Variants in ISOC1 observed in about 807,000 individuals in gnomAD.
ISOC1 encodes isochorismatase domain-containing protein 1.
In ISOC1, 33 loss-of-function variants were observed where a neutral mutation model predicts 30.0. That is an observed-to-expected ratio of 1.10 (90% CI 0.83 to 1.47). The LOEUF is 1.47. ISOC1 is among the 40% of genes most tolerant of loss of function. The probability of loss-of-function intolerance (pLI) is 0.00; values close to 1 mark genes in which losing one functional copy is unlikely to be tolerated. For synonymous variants in ISOC1, 178 were observed against 159.8 expected (o/e 1.11, Z -0.86); for missense variants, 372 against 388.0 (o/e 0.96, Z 0.35).
chr5:129,094,887 G>T lies in ISOC1; in HGVS notation c.121G>T (p.Val41Leu). 6.2e-7 allele frequency: 1 copy of T among 1,608,454 alleles called. No individual in the cohort carries two copies. The change falls in exon 1 of 5, where the codon GTG (valine) becomes TTG (leucine). Residue 41 changes from valine (V) to leucine (L), a missense_variant. Physicochemically the swap from Val to Leu is conservative, Grantham distance 32. Transcript: ENST00000173527. Reference protein sequence around the residue: ...CFSVFARPSSVPHGAGYELLI... With the variant: ...CFSVFARPSSLPHGAGYELLI... ...CTCAGTCTTCGCGCGACCCTCGTCG[G>T]TGCCACACGGGGCGGGCTACGAGCT...
rs1753469578 is a variant in ISOC1, at chr5:129,094,784, G to C, written c.18G>C (p.Pro6=). The change falls in exon 1 of 5, where the codon CCG becomes CCC. Residue 6 remains proline (P), a synonymous_variant. Transcript: ENST00000173527. MAAAE[P]AVLALPNSGA... is the part of the protein sequence containing the mutation. ...GGGGGAACATGGCGGCTGCGGAGCC[G>C]GCGGTCCTTGCGCTCCCCAACAGCG... 6.6e-6 allele frequency: 10 copies of C among 1,508,486 alleles called. No homozygotes were observed. Among genetic ancestry groups the C allele is most frequent in the Non-Finnish European group, 7.9e-6 (9 of 1,134,044 alleles). 93.4% of individuals were successfully genotyped at this position (1,508,486 alleles called of 1,614,324 possible). A position where few individuals can be genotyped will look rare whatever the true frequency, so the allele number is the denominator to read the frequency against.
intron 3 of ISOC1, among the ~76,000 whole-genome samples, chr5:129,105,963 A>C (rs1409486102): frequency 6.6e-6 from 1 of 152,228 alleles, no homozygotes; most frequent in Non-Finnish European, 1.5e-5. Flanking sequence ...AAACAATGAA[A>C]TCAAAATATT....
At chr5:129,095,198 G>A in intron 1 of ISOC1, 123 bp downstream of exon 1, 2 of 961,274 alleles carry the variant, frequency 2.1e-6, no homozygotes, top group Non-Finnish European at 2.9e-6. Flanking sequence ...CCCTGCGCGA[G>A]TGGCTGAGTC....
At chr5:129,107,661 T>C (rs1462138937) in intron 4 of ISOC1, among the ~76,000 whole-genome samples, 1 of 152,216 alleles carries the variant, frequency 6.6e-6, no homozygotes, top group Non-Finnish European at 1.5e-5. Flanking sequence ...TATATACAAA[T>C]ACTATGCTGT....
At chr5:129,095,208 C>T in intron 1 of ISOC1, 133 bp downstream of exon 1, 4 of 852,426 alleles carry the variant, frequency 4.7e-6, no homozygotes, top group Non-Finnish European at 6.9e-6. Flanking sequence ...GTGGCTGAGT[C>T]CGAAGGGCTG....
intron 4 of ISOC1, among the ~76,000 whole-genome samples, chr5:129,108,409 G>A (rs560793551): frequency 3.9e-5 from 6 of 152,090 alleles, no homozygotes; most frequent in African/African-American, 9.6e-5. Context: ...TATTTATTTT[G>A]TTTAGCTATT....
intron 1 of ISOC1, among the ~76,000 whole-genome samples, chr5:129,098,792 C>G (rs1036193509): frequency 6.6e-6 from 1 of 152,078 alleles, no homozygotes; most frequent in Non-Finnish European, 1.5e-5. Context: ...CTCCAGCTTT[C>G]ATTTTCTTGG....
At chr5:129,108,833 A>G (rs1753669555) in intron 4 of ISOC1, among the ~76,000 whole-genome samples, 1 of 152,104 alleles carries the variant, frequency 6.6e-6, no homozygotes, top group African/African-American at 2.4e-5. Flanking sequence ...CTATTCTTAT[A>G]GTCATGAGTT....
chr5:129,101,192 A>ATATATATATAT (rs57103158), intron 1 of ISOC1, among the ~76,000 whole-genome samples: 4 of 42,228 alleles, frequency 9.5e-5, no homozygotes, highest in Admixed American at 6.5e-4. Context: ...AAAAAAAAAA[A>ATATATATATAT]ATATATATAT....
intron 4 of ISOC1, among the ~76,000 whole-genome samples, chr5:129,108,998 A>C (rs1328969191): frequency 6.6e-6 from 1 of 152,192 alleles, no homozygotes; most frequent in African/African-American, 2.4e-5. Context: ...AAAATGAAAA[A>C]CACAAAACAA....
intron 3 of ISOC1, among the ~76,000 whole-genome samples, chr5:129,106,603 G>A (rs550411263): frequency 3.2e-4 from 49 of 152,260 alleles, no homozygotes; most frequent in Admixed American, 9.2e-4. Flanking sequence ...ACTCAAAGTC[G>A]CACCAAAACT....
At chr5:129,101,658 T>C (rs1172187196) in intron 1 of ISOC1, among the ~76,000 whole-genome samples, 2 of 152,194 alleles carry the variant, frequency 1.3e-5, no homozygotes, top group African/African-American at 4.8e-5. Flanking sequence ...TTGATATTCC[T>C]GCAGTACATT....
At position 129,094,780 on chromosome 5, in the gene ISOC1, A is replaced by G. The variant is rs1753469386; in HGVS notation, c.14A>G (p.Glu5Gly). MAAA[E>G]PAVLALPNSG... Reference sequence around the variant, plus strand: ...GCTCGGGGGAACATGGCGGCTGCGGAGCCGGCGGTCCTTGCGCTCCCCAAC... The same window carrying G: ...GCTCGGGGGAACATGGCGGCTGCGGGGCCGGCGGTCCTTGCGCTCCCCAAC... The change falls in exon 1 of 5, where the codon GAG becomes GGG. Residue 5 changes from glutamate to glycine, a missense_variant. Glu to Gly is a moderately conservative substitution (Grantham distance 98, BLOSUM62 -2). Transcript: ENST00000173527. The G allele has an allele frequency of 2.7e-6, 4 of 1,505,192 alleles. No homozygotes were observed. Among genetic ancestry groups the G allele is most frequent in the Admixed American group, 2.1e-5 (1 of 47,528 alleles). 93.2% of individuals were successfully genotyped at this position (1,505,192 alleles called of 1,614,324 possible). A position where few individuals can be genotyped will look rare whatever the true frequency, so the allele number is the denominator to read the frequency against.
chr5:129,097,380 T>G (rs752310711), intron 1 of ISOC1, among the ~76,000 whole-genome samples: 1 of 152,110 alleles, frequency 6.6e-6, no homozygotes, highest in African/African-American at 2.4e-5. Flanking sequence ...AAGAGAGAGA[T>G]ATATATACAC....
At chr5:129,106,256 C>T (rs1443525417) in intron 3 of ISOC1, among the ~76,000 whole-genome samples, 3 of 152,250 alleles carry the variant, frequency 2.0e-5, no homozygotes, top group Admixed American at 6.5e-5. Context: ...TTCTCCAAAA[C>T]GCTCTTGTCA....
At position 129,105,285 on chromosome 5, in the gene ISOC1, A is replaced by G. The variant is rs1753622311; in HGVS notation, c.530A>G (p.Lys177Arg). The change falls in exon 3 of 5, where the codon AAA becomes AGA. Residue 177 changes from lysine (K) to arginine (R), a missense_variant. Physicochemically the swap from Lys to Arg is conservative, Grantham distance 26. Coordinates refer to ENST00000173527, the MANE Select transcript of ISOC1 (RefSeq NM_016048.2). ...TVQEIDLTGV[K>R]LVLPKTKFSM... Reference sequence around the variant, plus strand: ...CAAGAAATTGATTTAACAGGTGTAAAACTGGTACTTCCAAAGACCAAGTTT... The same window carrying G: ...CAAGAAATTGATTTAACAGGTGTAAGACTGGTACTTCCAAAGACCAAGTTT... 1 of 1,613,808 alleles carries G rather than the reference A, an allele frequency of 6.2e-7. No homozygotes were observed. Among genetic ancestry groups the G allele is most frequent in the Non-Finnish European group, 8.5e-7 (1 of 1,179,864 alleles).
chr5:129,104,212 G>A (rs961670892), intron 1 of ISOC1, among the ~76,000 whole-genome samples: 8 of 152,064 alleles, frequency 5.3e-5, no homozygotes, highest in African/African-American at 1.9e-4. Context: ...TCATTTCGTT[G>A]CATTTTGTTT....
chr5:129,095,652 A>G (rs1486725173), intron 1 of ISOC1, among the ~76,000 whole-genome samples: 1 of 152,188 alleles, frequency 6.6e-6, no homozygotes, highest in Non-Finnish European at 1.5e-5. Context: ...TCCTCTTAGT[A>G]AAGTGTCTAC....
At chr5:129,095,104 C>A in intron 1 of ISOC1, 29 bp downstream of exon 1, 1 of 1,516,274 alleles carries the variant, frequency 6.6e-7, no homozygotes, top group South Asian at 1.3e-5. Context: ...CGCGCGCTTC[C>A]CTGTTCCCGA....
Sources: gnomAD v4.1 joint callset for allele counts (sites outside exome capture counted in the v4.1 genomes callset) on GRCh38, gnomAD v4.1.1 for gene constraint, MANE v1.5 for transcripts, NCBI Gene and HGNC (gene_info 2026-07-23, HGNC 2026-07-21) for gene names.